DSCAML1: variants seen among roughly 807,000 people sequenced by gnomAD.
The protein encoded by DSCAML1 is cell adhesion molecule DSCAML1.
A neutral mutation model predicts 200.5 loss-of-function variants in DSCAML1; 38 were observed. The ratio of observed to expected loss-of-function variants is 0.19; its 90% confidence interval spans 0.15 to 0.25. The LOEUF is 0.25. Among genes scored for constraint, DSCAML1 ranks in the 10% least tolerant of loss-of-function variants. The pLI is 1.00. For synonymous variants in DSCAML1, 1,215 were observed against 1,165.0 expected (o/e 1.04, Z -0.87); for missense variants, 2,223 against 2,858.8 (o/e 0.78, Z 5.07).
chr11:117,509,336 C>T (rs1179873119), intron 8 of DSCAML1, among the ~76,000 whole-genome samples: 38 of 152,158 alleles, frequency 2.5e-4, no homozygotes, highest in Non-Finnish European at 1.2e-4. Flanking sequence ...TGAATAACAT[C>T]AACAGCTCCG....
rs377685171 is a variant in DSCAML1 at position 117,437,496 on chromosome 11, G to T, written c.4433-87C>A. 1.5e-4 allele frequency: 214 copies of T among 1,469,258 alleles called. No homozygotes were observed. In the East Asian group the frequency reaches 4.4e-3, roughly 30 times the overall value. The allele number at this position is 1,469,258 out of a possible 1,614,324, so 91.0% of individuals were successfully genotyped here. On this transcript the variant is annotated intron_variant, in intron 25 of 32. Coordinates refer to ENST00000651296, the MANE Select transcript of DSCAML1 (RefSeq NM_020693.4). This position sits in a 1 kb window ranked among gnomAD's most constrained non-coding sequence, Gnocchi z 5.3. ...GGCTGGGCTGGAAAGGATTTCCCTG[G>T]GGCAGCTGGGATGGCAGTGGCTCCA...
At chr11:117,747,213 A>T (rs1251360132) in intron 3 of DSCAML1, among the ~76,000 whole-genome samples, 1 of 152,080 alleles carries the variant, frequency 6.6e-6, no homozygotes, top group Admixed American at 6.6e-5. Flanking sequence ...GCTGACCTTG[A>T]CCTTTCCCCT....
At chr11:117,449,944 G>A (rs1053897392) in intron 20 of DSCAML1, among the ~76,000 whole-genome samples, 3 of 152,202 alleles carry the variant, frequency 2.0e-5, no homozygotes, top group African/African-American at 2.4e-5. Context: ...GTGGAAGGGC[G>A]GCTAGCCCCT....
chr11:117,456,232 G>A (rs1372570636), intron 19 of DSCAML1, among the ~76,000 whole-genome samples: 1 of 152,198 alleles, frequency 6.6e-6, no homozygotes, highest in Non-Finnish European at 1.5e-5. Context: ...AATCATAGCA[G>A]GGGCAGCTGA....
chr11:117,428,214 CGTT>C lies in DSCAML1; in HGVS notation c.*111_*113del. The C allele has an allele frequency of 1.5e-6, 1 of 675,770 alleles. No individual in the cohort carries two copies. Among genetic ancestry groups the C allele is most frequent in the Non-Finnish European group, 2.6e-6 (1 of 380,792 alleles). The allele number at this position is 675,770 out of a possible 1,614,324, so 41.9% of individuals were successfully genotyped here. ...TCATGATTGGGGGTTTTTGTTTTGTCGTTGGTTGGTTTTTGTCTGTCAGTTGAA... is the reference window on the plus strand; with the variant it reads ...TCATGATTGGGGGTTTTTGTTTTGTCGGTTGGTTTTTGTCTGTCAGTTGAA... On this transcript the variant is annotated 3_prime_UTR_variant, in exon 33 of 33. Transcript: ENST00000651296.
intron 3 of DSCAML1, among the ~76,000 whole-genome samples, chr11:117,676,546 C>T (rs1348395795): frequency 1.3e-5 from 2 of 152,218 alleles, no homozygotes; most frequent in Admixed American, 6.5e-5. Flanking sequence ...GTTCCATTGC[C>T]ACAACTGCAC....
At chr11:117,557,307 C>T (rs765954277) in intron 3 of DSCAML1, among the ~76,000 whole-genome samples, 1 of 152,138 alleles carries the variant, frequency 6.6e-6, no homozygotes, top group Non-Finnish European at 1.5e-5. Flanking sequence ...GGGCTGCTTC[C>T]CTGGAAGAGA....
intron 11 of DSCAML1, among the ~76,000 whole-genome samples, chr11:117,491,334 C>T (rs1370792569): frequency 2.0e-5 from 3 of 152,232 alleles, no homozygotes; most frequent in African/African-American, 4.8e-5. Context: ...GGAATCCTCA[C>T]ACAACCCTAT....
intron 3 of DSCAML1, among the ~76,000 whole-genome samples, chr11:117,721,812 T>TG (rs1491210661): frequency 1.7e-5 from 2 of 120,802 alleles, no homozygotes; most frequent in Non-Finnish European, 3.7e-5. Context: ...TATATATATA[T>TG]TTTTTTTTTT....
chr11:117,628,114 T>A (rs761588036), intron 3 of DSCAML1, among the ~76,000 whole-genome samples: 1 of 152,234 alleles, frequency 6.6e-6, no homozygotes, highest in Non-Finnish European at 1.5e-5. Flanking sequence ...CATGTCATTA[T>A]TCCAACTTCA....
rs781772778 is a variant in DSCAML1, at chr11:117,428,499, G to A, written c.5991C>T (p.Thr1997=). ...GGGCCGGAGGGGCAGCGCTGGGGGC[G>A]GTGGGTGGCTCAGCAGGGGTGGGGC... is the stretch of plus-strand genomic sequence containing the variant. ...APGPTPAEPP[T]APSAAPPAPS... Residue 1997 remains threonine, a synonymous_variant, in exon 33 of 33, where the codon ACC becomes ACT. Coordinates refer to ENST00000651296, the MANE Select transcript of DSCAML1 (RefSeq NM_020693.4). 3.0e-5 allele frequency: 46 copies of A among 1,525,220 alleles called. 1 individual carries two copies. The highest frequency in any genetic ancestry group is 9.4e-5 in the East Asian group (4 of 42,424). 94.5% of individuals were successfully genotyped at this position (1,525,220 alleles called of 1,614,324 possible).
intron 3 of DSCAML1, among the ~76,000 whole-genome samples, chr11:117,554,623 T>C (rs900954635): frequency 6.6e-5 from 10 of 152,168 alleles, no homozygotes; most frequent in African/African-American, 2.4e-4. Context: ...GTGAACCACC[T>C]GCCTTGGCCT....
chr11:117,811,301 T>C (rs188426345), intron 1 of DSCAML1, among the ~76,000 whole-genome samples: 2,360 of 152,274 alleles, frequency 0.015, 62 homozygotes, highest in African/African-American at 0.054. Context: ...CATCTTATTC[T>C]CAATATACAT....
chr11:117,459,032 C>T (rs910286378), intron 18 of DSCAML1, 123 bp from the exon 19 acceptor site: 14 of 1,298,870 alleles, frequency 1.1e-5, no homozygotes, highest in Middle Eastern at 1.9e-4. Flanking sequence ...TCCATGGTGG[C>T]GAGGACTAGA....
intron 14 of DSCAML1, among the ~76,000 whole-genome samples, chr11:117,478,627 T>G (rs2048845755): frequency 6.6e-6 from 1 of 152,190 alleles, no homozygotes; most frequent in Admixed American, 6.5e-5. Context: ...AAGTGAAAGC[T>G]CAGCCCGGAC....
At chr11:117,462,495 G>A (rs2048500388) in intron 17 of DSCAML1, among the ~76,000 whole-genome samples, 2 of 152,182 alleles carry the variant, frequency 1.3e-5, no homozygotes, top group Admixed American at 6.5e-5. Flanking sequence ...GCTTCGCTCC[G>A]AGTGGAAGAA....
chr11:117,443,817 G>T (rs1555169011), intron 21 of DSCAML1, 69 bp downstream of exon 21: 2 of 1,514,536 alleles, frequency 1.3e-6, no homozygotes, highest in Non-Finnish European at 1.8e-6. Flanking sequence ...CCTGTCTGGG[G>T]AGAACCAGGA....
chr11:117,638,325 TG>T (rs2052333658), intron 3 of DSCAML1, among the ~76,000 whole-genome samples: 1 of 129,334 alleles, frequency 7.7e-6, no homozygotes, highest in African/African-American at 2.8e-5. Flanking sequence ...AGTGTGTGTG[TG>T]TGTGTGTGTG....
chr11:117,772,369 G>A (rs1565275790), intron 3 of DSCAML1, among the ~76,000 whole-genome samples: 1 of 152,128 alleles, frequency 6.6e-6, no homozygotes, highest in Non-Finnish European at 1.5e-5. Flanking sequence ...GGCCAGAGGC[G>A]TCCTTGCCCG....
Sources: allele counts gnomAD v4.1 joint callset (sites outside exome capture counted in the v4.1 genomes callset), GRCh38; gene constraint gnomAD v4.1.1; non-coding constraint Gnocchi (gnomAD v3.1); transcripts MANE v1.5; gene names NCBI Gene and HGNC (gene_info 2026-07-23, HGNC 2026-07-21).